The following SUCO variants were observed in gnomAD, a reference collection of about 807,000 sequenced individuals.
The protein encoded by SUCO is SUN domain-containing ossification factor.
In SUCO, 57 loss-of-function variants were observed where a neutral mutation model predicts 148.1. That is an observed-to-expected ratio of 0.38 (90% confidence interval 0.31 to 0.48). The LOEUF (loss-of-function observed/expected upper bound fraction) is 0.48. SUCO is among the 20% of genes least tolerant of loss of function. The probability of loss-of-function intolerance (pLI) is 0.96; values close to 1 mark genes in which losing one functional copy is unlikely to be tolerated. For synonymous variants in SUCO, 470 were observed against 502.7 expected (o/e 0.93, Z 0.87); for missense variants, 1,331 against 1,468.2 (o/e 0.91, Z 1.53).
intron 1 of SUCO, among the ~76,000 whole-genome samples, chr1:172,545,798 A>T (rs2149221990): frequency 6.6e-6 from 1 of 152,348 alleles, no homozygotes; most frequent in Non-Finnish European, 1.5e-5. Context: ...TAAGCATAGC[A>T]TATACATTTA....
At chr1:172,570,410 CTAAAA>C (rs914662498) in intron 8 of SUCO, 83 of 486,596 alleles carry the variant, frequency 1.7e-4, no homozygotes, top group Non-Finnish European at 2.6e-4. Context: ...AAGGAAATAA[CTAAAA>C]TATTATTTTT....
At chr1:172,553,637 A>G (rs558796485) in intron 3 of SUCO, among the ~76,000 whole-genome samples, 1 of 152,206 alleles carries the variant, frequency 6.6e-6, no homozygotes, top group East Asian at 1.9e-4. Flanking sequence ...TTGGTTCATT[A>G]TGATGTATCT....
Position 172,589,872 on chromosome 1 carries a change from C to T in SUCO, c.2771C>T (p.Ala924Val). ...VFMRLNNRIK[A>V]LEVNMSLSGR... ...ATGAGACTTAATAATCGTATTAAAGCCTTAGAAGTTAACATGTCTCTCAGT... is the reference window on the plus strand; with the variant it reads ...ATGAGACTTAATAATCGTATTAAAGTCTTAGAAGTTAACATGTCTCTCAGT... Residue 924 changes from alanine (A) to valine (V), a missense_variant, in exon 18 of 24, where the codon GCC becomes GTC. By Grantham distance (64) the Ala-to-Val change is moderately conservative. Transcript: ENST00000263688. The T allele has an allele frequency of 3.2e-6, 5 of 1,565,666 alleles. No homozygotes were observed. The highest frequency in any genetic ancestry group is 4.3e-6 in the Non-Finnish European group (5 of 1,164,804).
chr1:172,557,221 A>G, intron 4 of SUCO, 59 bp from the exon 5 acceptor site: 1 of 1,558,176 alleles, frequency 6.4e-7, no homozygotes, highest in Non-Finnish European at 8.7e-7. Flanking sequence ...AGTGTTTTTA[A>G]TGTATATTAC....
At chr1:172,541,518 G>A (rs988918359) in intron 1 of SUCO, among the ~76,000 whole-genome samples, 5 of 152,212 alleles carry the variant, frequency 3.3e-5, no homozygotes, top group African/African-American at 1.2e-4. Context: ...ACTTCATCTT[G>A]GCAGTAGAAA....
intron 1 of SUCO, among the ~76,000 whole-genome samples, chr1:172,535,562 G>A (rs762001880): frequency 2.0e-5 from 3 of 152,152 alleles, no homozygotes; most frequent in Non-Finnish European, 4.4e-5. Context: ...GCTGCAATCT[G>A]GTGTGGTATT....
rs374728272 is a variant in SUCO at position 172,578,364 on chromosome 1, C to T, written c.1407C>T (p.Arg469=). The change falls in exon 14 of 24, where the codon CGC becomes CGT. Residue 469 remains arginine, a synonymous_variant. Transcript: ENST00000263688. The part of the protein sequence containing the change: ...EIADSQYHSE[R]QELFDEDYDY... The stretch of plus-strand genomic sequence containing the variant: ...CTGATTCCCAGTATCACTCAGAACG[C>T]CAGGAACTATTTGATGAGGACTATG... The T allele has an allele frequency of 7.4e-6, 12 of 1,612,270 alleles. No individual in the cohort carries two copies. In the Admixed American group the frequency reaches 1.2e-4, roughly 16 times the overall value.
In SUCO at chr1:172,589,443, C is replaced by G; in HGVS notation, c.2342C>G (p.Ser781Cys). ...VEIDNETEQK[S>C]ESFSSIEKPS... ...ATCGATAATGAAACAGAACAAAAGT[C>G]TGAGAGCTTTAGTTCTATAGAGAAA... Residue 781 changes from serine (S) to cysteine (C), a missense_variant, in exon 18 of 24, where the codon TCT (serine) becomes TGT (cysteine). By Grantham distance (112) the Ser-to-Cys change is moderately radical. Coordinates refer to ENST00000263688, the MANE Select transcript of SUCO (RefSeq NM_014283.5). 1.2e-6 allele frequency: 2 copies of G among 1,612,520 alleles called. No homozygotes were observed. The highest frequency in any genetic ancestry group is 1.7e-6 in the Non-Finnish European group (2 of 1,179,484).
At position 172,608,803 on chromosome 1, in the gene SUCO, G is replaced by A. The variant is rs868587809; in HGVS notation, c.3321+1G>A. On this transcript the variant is annotated splice_donor_variant, in intron 23 of 23. Coordinates refer to ENST00000263688, the MANE Select transcript of SUCO (RefSeq NM_014283.5). LOFTEE classifies it high-confidence loss of function. ...CCTCAAGTTTTCTCCAGAAAAGAAG[G>A]TAATTGTTTATTTCTTTTTAAGTTT... 6.4e-7 allele frequency: 1 copy of A among 1,554,632 alleles called. No individual in the cohort carries two copies. Among genetic ancestry groups the A allele is most frequent in the Non-Finnish European group, 8.8e-7 (1 of 1,133,930 alleles).
intron 19 of SUCO, among the ~76,000 whole-genome samples, chr1:172,597,082 C>T (rs1366200002): frequency 1.3e-5 from 2 of 152,238 alleles, no homozygotes; most frequent in Non-Finnish European, 2.9e-5. Flanking sequence ...TGGGACCCTC[C>T]GAGCCATGCA....
intron 1 of SUCO, among the ~76,000 whole-genome samples, chr1:172,534,269 G>A (rs1651848323): frequency 6.6e-6 from 1 of 152,174 alleles, no homozygotes; most frequent in Non-Finnish European, 1.5e-5. Context: ...GAGAAAGCTT[G>A]TAAGTCGAGG....
At chr1:172,547,258 G>A (rs750163683) in intron 1 of SUCO, among the ~76,000 whole-genome samples, 11 of 152,276 alleles carry the variant, frequency 7.2e-5, no homozygotes, top group South Asian at 2.1e-4. Context: ...GTAGTACACT[G>A]TATGAATGTA....
At chr1:172,559,380 T>A (rs1044040512) in intron 6 of SUCO, among the ~76,000 whole-genome samples, 1 of 152,178 alleles carries the variant, frequency 6.6e-6, no homozygotes, top group African/African-American at 2.4e-5. Context: ...CTAGGTAAAT[T>A]TTTATAAGTG....
chr1:172,608,540 A>G, intron 22 of SUCO: 1 of 569,894 alleles, frequency 1.8e-6, no homozygotes, highest in Non-Finnish European at 3.1e-6. Flanking sequence ...AGTCAAGCAT[A>G]GGAATCATAT....
chr1:172,569,207 C>CT (rs1429786573), intron 7 of SUCO, 65 bp downstream of exon 7: 2 of 1,271,492 alleles, frequency 1.6e-6, no homozygotes, highest in East Asian at 5.5e-5. Context: ...AATATGCTTT[C>CT]TTTTTTTGAT....
chr1:172,557,751 A>T lies in SUCO; in HGVS notation c.689A>T (p.Asp230Val), dbSNP rs527322206. 5.0e-6 allele frequency: 8 copies of T among 1,605,148 alleles called. No homozygotes were observed. The South Asian group carries it at 6.8e-5, about 14-fold the overall frequency. The change falls in exon 6 of 24, where the codon GAT (aspartate) becomes GTT (valine). Residue 230 changes from aspartate (D) to valine (V), a missense_variant. This residue lies in a region of SUCO where 992 missense variants were observed against 1,093.5 expected (regional missense o/e 0.91). Coordinates refer to ENST00000263688, the MANE Select transcript of SUCO (RefSeq NM_014283.5). Reference protein sequence around the residue: ...KVSASEQGGGDPKSALNASDN... With the variant: ...KVSASEQGGGVPKSALNASDN... Reference sequence around the variant, plus strand: ...TCAGCAAGTGAACAGGGCGGTGGTGATCCAAAATCTGCATTGAATGCTTCA... The same window carrying T: ...TCAGCAAGTGAACAGGGCGGTGGTGTTCCAAAATCTGCATTGAATGCTTCA...
chr1:172,604,467 TA>T (rs1206984189), intron 22 of SUCO, among the ~76,000 whole-genome samples: 2 of 152,052 alleles, frequency 1.3e-5, no homozygotes, highest in East Asian at 3.9e-4. Flanking sequence ...TACCTATTTT[TA>T]CTTGCCTTAT....
chr1:172,577,496 C>T (rs757681408), intron 11 of SUCO, 43 bp from the exon 12 acceptor site: 5 of 1,593,666 alleles, frequency 3.1e-6, no homozygotes, highest in Middle Eastern at 1.7e-4. Flanking sequence ...GATGTCTAGA[C>T]TTTGGAACTG....
chr1:172,532,559 G>C, upstream of SUCO: 1 of 1,613,872 alleles, frequency 6.2e-7, no homozygotes, highest in South Asian at 1.1e-5. Context: ...GAAAGGGCTT[G>C]GTGCAGCTTC....
Sources: allele counts gnomAD v4.1 joint callset (sites outside exome capture counted in the v4.1 genomes callset), GRCh38; gene constraint gnomAD v4.1.1; regional missense constraint gnomAD v4.1.1; transcripts MANE v1.5; gene names NCBI Gene and HGNC (gene_info 2026-07-23, HGNC 2026-07-21).